Variants in GPR176 observed in about 807,000 individuals in gnomAD.
The protein encoded by GPR176 is G protein-coupled receptor 176.
GPR176 carries 26 observed loss-of-function variants against 35.4 expected under a neutral mutation model. The observed-to-expected ratio is 0.74, with a 90% CI of 0.54 to 1.02. The LOEUF (loss-of-function observed/expected upper bound fraction) is 1.02, where lower values mean the gene tolerates loss of function less well. GPR176 is among the 50% of genes least tolerant of loss of function. GPR176 has a pLI of 0.00. For synonymous variants in GPR176, 278 were observed against 271.3 expected (o/e 1.02, Z -0.24); for missense variants, 597 against 665.3 (o/e 0.90, Z 1.13).
At chr15:39,810,787 C>T (rs776541302) in intron 1 of GPR176, among the ~76,000 whole-genome samples, 16 of 152,172 alleles carry the variant, frequency 1.1e-4, no homozygotes, top group Non-Finnish European at 5.9e-5. Flanking sequence ...CAAAGTGGAT[C>T]GACAAGGGTC....
intron 1 of GPR176, among the ~76,000 whole-genome samples, chr15:39,854,365 T>C (rs540942274): frequency 2.6e-5 from 4 of 152,174 alleles, no homozygotes; most frequent in Non-Finnish European, 5.9e-5. Context: ...CAAAATGGTG[T>C]CCAGGGCCTC....
At chr15:39,897,969 C>T (rs1214792331) in intron 1 of GPR176, among the ~76,000 whole-genome samples, 1 of 152,156 alleles carries the variant, frequency 6.6e-6, no homozygotes, top group Admixed American at 6.5e-5. Flanking sequence ...CAGCAAGTGA[C>T]CCTATCTGTC....
At chr15:39,882,314 A>C (rs1169839524) in intron 1 of GPR176, among the ~76,000 whole-genome samples, 1 of 152,244 alleles carries the variant, frequency 6.6e-6, no homozygotes, top group Non-Finnish European at 1.5e-5. Flanking sequence ...ACGGCATGCA[A>C]TGTGGAAGAA....
chr15:39,832,289 C>T (rs994566528), intron 1 of GPR176, among the ~76,000 whole-genome samples: 9 of 152,066 alleles, frequency 5.9e-5, no homozygotes, highest in African/African-American at 1.4e-4. Context: ...ATGGGGCAGC[C>T]GCTTTAGGAA....
rs1282653299 is a variant in GPR176, at chr15:39,919,953, C to T, written c.74G>A (p.Gly25Asp). Residue 25 changes from glycine to aspartate, a missense_variant, in exon 1 of 3, where the codon GGT (glycine) becomes GAT (aspartate). By Grantham distance (94) the Gly-to-Asp change is moderately conservative. Coordinates refer to ENST00000561100, the MANE Select transcript of GPR176 (RefSeq NM_007223.3). Reference sequence around the variant, plus strand: ...CTCCCCGAGCGCGCTGCGGTTCACACCCGCAGCCTCGGCGCCGGACGCGTT... The same window carrying T: ...CTCCCCGAGCGCGCTGCGGTTCACATCCGCAGCCTCGGCGCCGGACGCGTT... Reference protein sequence around the residue: ...PHNASGAEAAGVNRSALGEFG... With the variant: ...PHNASGAEAADVNRSALGEFG... 7 of 1,498,026 alleles carry T rather than the reference C, an allele frequency of 4.7e-6. No homozygotes were observed. The highest frequency in any genetic ancestry group is 4.4e-6 in the Non-Finnish European group (5 of 1,125,170). The allele number at this position is 1,498,026 out of a possible 1,614,324, so 92.8% of individuals were successfully genotyped here.
rs576713570 is a variant in GPR176 at position 39,844,571 on chromosome 15, G to A, written c.173-37313C>T. Reference sequence around the variant, plus strand: ...GGACCTAATGGGAGCCCCCAACCCCGTCTGCCCCCACCGCCTACTGAAAAA... The same window carrying A: ...GGACCTAATGGGAGCCCCCAACCCCATCTGCCCCCACCGCCTACTGAAAAA... On this transcript the variant is annotated intron_variant, in intron 1 of 2. Transcript: ENST00000561100. Among the ~76,000 whole-genome samples the A allele has an allele frequency of 3.1e-3, 465 of 151,172 alleles. 1 individual carries two copies. Among genetic ancestry groups the A allele is most frequent in the Middle Eastern group, 6.9e-3 (2 of 290 alleles).
chr15:39,823,795 A>T (rs1001421315), intron 1 of GPR176, among the ~76,000 whole-genome samples: 5 of 152,228 alleles, frequency 3.3e-5, no homozygotes, highest in Non-Finnish European at 7.3e-5. Context: ...ACAATAGATG[A>T]CAAGTCTATG....
chr15:39,880,089 T>A (rs2032416568), intron 1 of GPR176, among the ~76,000 whole-genome samples: 1 of 152,178 alleles, frequency 6.6e-6, no homozygotes, highest in African/African-American at 2.4e-5. Context: ...GACTCAGAAC[T>A]TCTCTGGCTA....
At chr15:39,845,517 C>A (rs28544974) in intron 1 of GPR176, among the ~76,000 whole-genome samples, 2 of 151,658 alleles carry the variant, frequency 1.3e-5, no homozygotes, top group Non-Finnish European at 2.9e-5. Flanking sequence ...CTGGAACCCC[C>A]TTTAAAGCTT....
chr15:39,885,133 T>C (rs2032624814), intron 1 of GPR176, among the ~76,000 whole-genome samples: 1 of 152,188 alleles, frequency 6.6e-6, no homozygotes, highest in African/African-American at 2.4e-5. Flanking sequence ...GTTACCCATA[T>C]TTCCCCAAAA....
chr15:39,806,069 T>A (rs1225694028), intron 2 of GPR176, among the ~76,000 whole-genome samples: 1 of 152,194 alleles, frequency 6.6e-6, no homozygotes, highest in Non-Finnish European at 1.5e-5. Flanking sequence ...CTGAAATGAC[T>A]CTATAGATGG....
intron 1 of GPR176, among the ~76,000 whole-genome samples, chr15:39,904,618 T>G (rs1016709970): frequency 6.6e-6 from 1 of 152,126 alleles, no homozygotes; most frequent in African/African-American, 2.4e-5. Flanking sequence ...CCCCTGCAAT[T>G]GGGGTTCACT....
chr15:39,878,472 TTGTGTGTGTGTG>T (rs3066143), intron 1 of GPR176, among the ~76,000 whole-genome samples: 1 of 148,062 alleles, frequency 6.8e-6, no homozygotes, highest in African/African-American at 2.5e-5. Context: ...CAAATAATAT[TTGTGTGTGTGTG>T]TGTGTGTGTG....
intron 1 of GPR176, among the ~76,000 whole-genome samples, chr15:39,852,210 G>A (rs1566951265): frequency 6.6e-6 from 1 of 152,014 alleles, no homozygotes; most frequent in Admixed American, 6.6e-5. Context: ...TTGTTTGAGG[G>A]GTTTCCAAAT....
At chr15:39,850,421 T>C (rs2030775745) in intron 1 of GPR176, among the ~76,000 whole-genome samples, 1 of 152,184 alleles carries the variant, frequency 6.6e-6, no homozygotes, top group South Asian at 2.1e-4. Context: ...TTCAAGGATA[T>C]CCATTACCAA....
intron 1 of GPR176, among the ~76,000 whole-genome samples, chr15:39,818,634 T>C (rs541739639): frequency 2.6e-5 from 4 of 152,220 alleles, no homozygotes; most frequent in Non-Finnish European, 5.9e-5. Flanking sequence ...GCAATAATGG[T>C]ATCCCAAAGG....
chr15:39,827,529 C>A (rs1413074638), intron 1 of GPR176, among the ~76,000 whole-genome samples: 1 of 152,216 alleles, frequency 6.6e-6, no homozygotes, highest in Non-Finnish European at 1.5e-5. Flanking sequence ...GCCCCATCTT[C>A]TTCTATCCCA....
intron 1 of GPR176, among the ~76,000 whole-genome samples, chr15:39,817,981 A>G (rs922201773): frequency 6.6e-6 from 1 of 152,250 alleles, no homozygotes; most frequent in Non-Finnish European, 1.5e-5. Context: ...ACATTTTCCA[A>G]GTGACCAGAG....
intron 1 of GPR176, among the ~76,000 whole-genome samples, chr15:39,873,961 G>A (rs2032147457): frequency 6.6e-6 from 1 of 152,124 alleles, no homozygotes; most frequent in Admixed American, 6.5e-5. Context: ...TTAAATTACT[G>A]TGCAAAAAGG....
Sources: gnomAD v4.1 joint callset for allele counts (sites outside exome capture counted in the v4.1 genomes callset) on GRCh38, gnomAD v4.1.1 for gene constraint, MANE v1.5 for transcripts, NCBI Gene and HGNC (gene_info 2026-07-23, HGNC 2026-07-21) for gene names.